Variants in GULP1 observed in about 807,000 individuals in gnomAD.
The protein encoded by GULP1 is PTB domain-containing engulfment adapter protein 1.
A neutral mutation model predicts 40.9 loss-of-function variants in GULP1; 19 were observed. That is an observed-to-expected ratio of 0.46 (90% CI 0.32 to 0.68). GULP1 has a LOEUF of 0.68. Ranked by LOEUF, GULP1 falls within the 30% of genes least tolerant of loss-of-function variation. GULP1 has a pLI of 0.03. For synonymous variants in GULP1, 119 were observed against 117.6 expected (o/e 1.01, Z -0.08); for missense variants, 312 against 362.2 (o/e 0.86, Z 1.12).
At chr2:188,504,195 C>T (rs1006105531) in intron 4 of GULP1, among the ~76,000 whole-genome samples, 3 of 151,778 alleles carry the variant, frequency 2.0e-5, no homozygotes, top group African/African-American at 7.2e-5. Context: ...TAACATAGAG[C>T]TAGGAAAGCT....
intron 4 of GULP1, among the ~76,000 whole-genome samples, chr2:188,488,434 T>A (rs1430893381): frequency 6.6e-6 from 1 of 152,102 alleles, no homozygotes; most frequent in East Asian, 1.9e-4. Context: ...AATATATTTT[T>A]TTAAAACTTA....
intron 1 of GULP1, among the ~76,000 whole-genome samples, chr2:188,344,093 C>G (rs1469502426): frequency 6.6e-6 from 1 of 152,210 alleles, no homozygotes; most frequent in African/African-American, 2.4e-5. Flanking sequence ...CAGGCATGAG[C>G]CACCACGCCT....
intron 2 of GULP1, among the ~76,000 whole-genome samples, chr2:188,414,436 A>G (rs1237182941): frequency 6.6e-6 from 1 of 152,202 alleles, no homozygotes; most frequent in African/African-American, 2.4e-5. Flanking sequence ...ATTTATTAGT[A>G]TGAATCTAGC....
rs1056903266 is a variant in GULP1 at position 188,569,462 on chromosome 2, T to C, written c.516+107T>C. ...CCCTGCCATTAAATTTCACCCACAC[T>C]GACTGATTGGAACTGCTTTCACCGT... On this transcript the variant is annotated intron_variant, in intron 8 of 11. Coordinates refer to ENST00000409830, the MANE Select transcript of GULP1 (RefSeq NM_016315.4). The C allele has an allele frequency of 8.0e-6, 6 of 754,084 alleles. No individual in the cohort carries two copies. The African/African-American group carries it at 8.7e-5, about 11-fold the overall frequency. 46.7% of individuals were successfully genotyped at this position (754,084 alleles called of 1,614,324 possible). A position where few individuals can be genotyped will look rare whatever the true frequency, so the allele number is the denominator to read the frequency against.
At chr2:188,585,790 G>A (rs1702251354) in intron 10 of GULP1, among the ~76,000 whole-genome samples, 1 of 152,178 alleles carries the variant, frequency 6.6e-6, no homozygotes, top group Non-Finnish European at 1.5e-5. Flanking sequence ...ATGTGCTGGT[G>A]ACATCTTCCC....
intron 2 of GULP1, among the ~76,000 whole-genome samples, chr2:188,412,343 C>G (rs2054005599): frequency 6.6e-6 from 1 of 152,084 alleles, no homozygotes; most frequent in African/African-American, 2.4e-5. Context: ...CCTACCCTTC[C>G]TTACCTTCAT....
intron 7 of GULP1, among the ~76,000 whole-genome samples, chr2:188,553,659 T>C (rs760140384): frequency 1.3e-5 from 2 of 152,042 alleles, no homozygotes; most frequent in Non-Finnish European, 2.9e-5. Context: ...GTTATCAAGG[T>C]GATCTTGGCC....
intron 2 of GULP1, among the ~76,000 whole-genome samples, chr2:188,450,839 C>T (rs2058781337): frequency 6.6e-6 from 1 of 152,110 alleles, no homozygotes; most frequent in Non-Finnish European, 1.5e-5. Flanking sequence ...GTTTCAGGAG[C>T]CTCAACTTTA....
chr2:188,417,444 A>AT (rs1376537365), intron 2 of GULP1, among the ~76,000 whole-genome samples: 1 of 152,194 alleles, frequency 6.6e-6, no homozygotes, highest in Non-Finnish European at 1.5e-5. Flanking sequence ...TGCATTTAAC[A>AT]TTTTTTCCCA....
chr2:188,400,059 T>A (rs1234625585), intron 2 of GULP1, among the ~76,000 whole-genome samples: 1 of 152,146 alleles, frequency 6.6e-6, no homozygotes, highest in Non-Finnish European at 1.5e-5. Context: ...AAATTCATTG[T>A]ATAACAGTTA....
chr2:188,292,657 C>A lies in GULP1; in HGVS notation c.-172+491C>A, dbSNP rs16829987. On this transcript the variant is annotated intron_variant, in intron 1 of 11. Coordinates refer to ENST00000409830, the MANE Select transcript of GULP1 (RefSeq NM_016315.4). This position sits in a 1 kb window ranked among gnomAD's most constrained non-coding sequence, Gnocchi z 4.0. The stretch of plus-strand genomic sequence containing the variant: ...AGCGAGGCGACCCAGGAGCGAACTT[C>A]CAGGGCAGCCTCCCTTTTGTTGGCG... 4.2e-4 allele frequency: 64 copies of A among 152,730 alleles called. 1 individual carries two copies. In the East Asian group the frequency reaches 6.0e-3, roughly 14 times the overall value. The allele number at this position is 152,730 out of a possible 1,614,324, so 9.5% of individuals were successfully genotyped here.
chr2:188,449,878 T>C (rs751699280), intron 2 of GULP1, among the ~76,000 whole-genome samples: 2 of 152,204 alleles, frequency 1.3e-5, no homozygotes, highest in Non-Finnish European at 2.9e-5. Context: ...TCAAATGGCT[T>C]TATAGAGTTT....
chr2:188,309,201 C>T (rs1448882926), intron 1 of GULP1, among the ~76,000 whole-genome samples: 2 of 152,154 alleles, frequency 1.3e-5, no homozygotes, highest in African/African-American at 2.4e-5. Context: ...CTTGGTGGCT[C>T]ACACCTGTAA....
At chr2:188,486,004 T>G (rs577512258) in intron 4 of GULP1, among the ~76,000 whole-genome samples, 1 of 152,060 alleles carries the variant, frequency 6.6e-6, no homozygotes, top group Non-Finnish European at 1.5e-5. Flanking sequence ...ATTGAATAAC[T>G]GGGCACTATA....
At chr2:188,408,643 T>G (rs990303783) in intron 2 of GULP1, among the ~76,000 whole-genome samples, 1 of 152,152 alleles carries the variant, frequency 6.6e-6, no homozygotes, top group Admixed American at 6.5e-5. Context: ...AACATTGGAC[T>G]TGAACTTCTG....
chr2:188,569,437 C>A, intron 8 of GULP1, 82 bp downstream of exon 8: 1 of 800,320 alleles, frequency 1.2e-6, no homozygotes, highest in Admixed American at 1.7e-5. Context: ...AATTTAGAAG[C>A]CCTGCCATTA....
At chr2:188,325,474 A>G (rs2040624221) in intron 1 of GULP1, among the ~76,000 whole-genome samples, 3 of 152,210 alleles carry the variant, frequency 2.0e-5, no homozygotes, top group Admixed American at 6.6e-5. Context: ...AAGATACGAT[A>G]TTCGTGATTT....
chr2:188,297,629 C>T (rs960893706), intron 1 of GULP1: 6 of 407,350 alleles, frequency 1.5e-5, no homozygotes, highest in Admixed American at 8.4e-5. Context: ...AGACTGAATA[C>T]TGTGGGCTCA....
chr2:188,354,177 T>A (rs775744923), intron 1 of GULP1, among the ~76,000 whole-genome samples: 1 of 152,096 alleles, frequency 6.6e-6, no homozygotes. Flanking sequence ...CGTGGCTTCA[T>A]AGAGCCTGGG....
Sources: allele counts gnomAD v4.1 joint callset (sites outside exome capture counted in the v4.1 genomes callset), GRCh38; gene constraint gnomAD v4.1.1; non-coding constraint Gnocchi (gnomAD v3.1); transcripts MANE v1.5; gene names NCBI Gene and HGNC (gene_info 2026-07-23, HGNC 2026-07-21).